The following TSPAN9 variants were observed in gnomAD, a reference collection of about 807,000 sequenced individuals.
TSPAN9 encodes the protein tetraspanin-9.
A neutral mutation model predicts 31.0 loss-of-function variants in TSPAN9; 16 were observed. That is an observed-to-expected ratio of 0.52 (90% CI 0.35 to 0.78). TSPAN9 has a LOEUF of 0.78. Among genes scored for constraint, TSPAN9 ranks in the 30% least tolerant of loss-of-function variants. TSPAN9 has a pLI of 0.01. For synonymous variants in TSPAN9, 145 were observed against 121.6 expected, an observed-to-expected ratio of 1.19 and a Z score of -1.27; for missense variants, 272 against 312.5, an observed-to-expected ratio of 0.87 and a Z score of 0.98.
At chr12:3,248,408 A>C (rs1862181017) in intron 3 of TSPAN9, among the ~76,000 whole-genome samples, 1 of 152,050 alleles carries the variant, frequency 6.6e-6, no homozygotes, top group African/African-American at 2.4e-5. Flanking sequence ...GTGCTCTCTT[A>C]GTTTCCTTCT....
At chr12:3,220,145 C>CAAAAAAAAACAAAAAAAAAAAAA (rs2098383628) in intron 3 of TSPAN9, among the ~76,000 whole-genome samples, 1 of 137,348 alleles carries the variant, frequency 7.3e-6, no homozygotes, top group Non-Finnish European at 1.6e-5. Context: ...AACTCTGTCT[C>CAAAAAAAAACAAAAAAAAAAAAA]AAAAAAAAAA....
At chr12:3,231,010 A>G (rs2098390469) in intron 3 of TSPAN9, among the ~76,000 whole-genome samples, 2 of 152,160 alleles carry the variant, frequency 1.3e-5, no homozygotes, top group African/African-American at 2.4e-5. Context: ...CGTGACCTAC[A>G]TAAACCTTCT....
chr12:3,245,090 A>G (rs1158592232), intron 3 of TSPAN9, among the ~76,000 whole-genome samples: 4 of 152,190 alleles, frequency 2.6e-5, no homozygotes, highest in Non-Finnish European at 5.9e-5. Flanking sequence ...CCACGTCCCC[A>G]GGTACAGCCA....
intron 2 of TSPAN9, among the ~76,000 whole-genome samples, chr12:3,118,685 C>G (rs1293175561): frequency 6.6e-6 from 1 of 151,692 alleles, no homozygotes; most frequent in East Asian, 1.9e-4. Flanking sequence ...CTCCTTGGCA[C>G]TCCCTCCCTG....
rs7487058 is a variant in TSPAN9 at position 3,105,768 on chromosome 12, G to A, written c.-18+22049G>A. Among the ~76,000 whole-genome samples the A allele has an allele frequency of 9.8e-3, 281 of 28,568 alleles. 1 individual carries two copies. The highest frequency in any genetic ancestry group is 0.011 in the African/African-American group (270 of 24,080). 18.7% of individuals were successfully genotyped at this position (28,568 alleles called of 152,430 possible). Reference sequence around the variant, plus strand: ...CACACTCACACACACGCACACACGCGCACGCACACACGCTCATACACACTC... The same window carrying A: ...CACACTCACACACACGCACACACGCACACGCACACACGCTCATACACACTC... On this transcript the variant is annotated intron_variant, in intron 2 of 8. Transcript: ENST00000011898.
intron 2 of TSPAN9, among the ~76,000 whole-genome samples, chr12:3,198,035 C>T (rs1440725383): frequency 4.5e-5 from 2 of 44,476 alleles, no homozygotes; most frequent in African/African-American, 8.7e-5. Flanking sequence ...CCAGCACAGG[C>T]CACCACCAGC....
rs1448961223 is a variant in TSPAN9 at position 3,207,998 on chromosome 12, A to C, written c.63+6742A>C. On this transcript the variant is annotated intron_variant, in intron 3 of 8. Coordinates refer to ENST00000011898, the MANE Select transcript of TSPAN9 (RefSeq NM_006675.5). ...CTATCTGGTTTCCTCACCTTGGACT[A>C]TACCACCTCTCCTGTAGGGCCGTGC... 2.6e-5 allele frequency among the ~76,000 whole-genome samples: 4 copies of C among 152,186 alleles called. No homozygotes were observed. The East Asian group carries it at 7.7e-4, about 29-fold the overall frequency.
chr12:3,193,362 A>G (rs2098365466), intron 2 of TSPAN9, among the ~76,000 whole-genome samples: 2 of 152,196 alleles, frequency 1.3e-5, no homozygotes, highest in African/African-American at 4.8e-5. Flanking sequence ...CTCATGGTCC[A>G]GAAGCCACAT....
At chr12:3,105,584 G>T (rs1035761639) in intron 2 of TSPAN9, among the ~76,000 whole-genome samples, 3 of 152,002 alleles carry the variant, frequency 2.0e-5, no homozygotes, top group African/African-American at 7.2e-5. Context: ...GGAAACAGGG[G>T]CTTCTGGATT....
At chr12:3,212,474 C>T (rs1014152346) in intron 3 of TSPAN9, among the ~76,000 whole-genome samples, 2 of 150,862 alleles carry the variant, frequency 1.3e-5, no homozygotes, top group African/African-American at 4.9e-5. Flanking sequence ...ACAGGGTCTC[C>T]CTGTGTTGTC....
intron 2 of TSPAN9, among the ~76,000 whole-genome samples, chr12:3,116,929 C>CA (rs2098322716): frequency 6.6e-6 from 1 of 152,186 alleles, no homozygotes; most frequent in South Asian, 2.1e-4. Context: ...TTCCTGGACT[C>CA]ATCCTCAGCC....
intron 3 of TSPAN9, among the ~76,000 whole-genome samples, chr12:3,208,909 T>C (rs1259104812): frequency 1.3e-5 from 2 of 152,302 alleles, no homozygotes; most frequent in East Asian, 3.9e-4. Flanking sequence ...TTTCAACTTT[T>C]GGTAAACAGA....
chr12:3,220,145 C>CAAAAAAAAAAAAAAAAAAAAAAA (rs55735802), intron 3 of TSPAN9, among the ~76,000 whole-genome samples: 474 of 137,250 alleles, frequency 3.5e-3, no homozygotes, highest in Non-Finnish European at 5.0e-3. Flanking sequence ...AACTCTGTCT[C>CAAAAAAAAAAAAAAAAAAAAAAA]AAAAAAAAAA....
intron 3 of TSPAN9, among the ~76,000 whole-genome samples, chr12:3,238,049 T>C (rs748106912): frequency 5.1e-4 from 78 of 151,916 alleles, no homozygotes; most frequent in Non-Finnish European, 9.1e-4. Context: ...CTTCCTTCCC[T>C]CCTCTTCCCT....
At chr12:3,156,104 C>A (rs1288817680) in intron 2 of TSPAN9, among the ~76,000 whole-genome samples, 1 of 152,298 alleles carries the variant, frequency 6.6e-6, no homozygotes, top group Non-Finnish European at 1.5e-5. Context: ...AATGTCAGCT[C>A]CAGTTTTCCT....
chr12:3,214,105 G>A (rs2098380170), intron 3 of TSPAN9, among the ~76,000 whole-genome samples: 1 of 152,144 alleles, frequency 6.6e-6, no homozygotes, highest in African/African-American at 2.4e-5. Flanking sequence ...TCTGTCTCTG[G>A]GCCTCAGTTT....
chr12:3,260,028 C>G (rs1862418567), intron 3 of TSPAN9, among the ~76,000 whole-genome samples: 1 of 152,212 alleles, frequency 6.6e-6, no homozygotes, highest in African/African-American at 2.4e-5. Context: ...GTAGCTTGAG[C>G]AGGAAGATTT....
chr12:3,245,028 C>T lies in TSPAN9; in HGVS notation c.64-33393C>T, dbSNP rs117609082. On this transcript the variant is annotated intron_variant, in intron 3 of 8. Transcript: ENST00000011898. ...TCTTTCCAAGGACTCTGTAGCAGCC[C>T]AGCCTATCTAGGTGCTAAGTGCTCC... is the stretch of plus-strand genomic sequence containing the variant. 3.3e-4 allele frequency among the ~76,000 whole-genome samples: 51 copies of T among 152,342 alleles called. No individual in the cohort carries two copies. In the East Asian group the frequency reaches 9.1e-3, roughly 27 times the overall value.
chr12:3,270,732 G>T (rs1465113030), intron 3 of TSPAN9, among the ~76,000 whole-genome samples: 2 of 152,256 alleles, frequency 1.3e-5, no homozygotes, highest in East Asian at 3.8e-4. Flanking sequence ...CCTGGAGGGG[G>T]GTAGGGGCTG....
Sources: gnomAD v4.1 joint callset for allele counts (sites outside exome capture counted in the v4.1 genomes callset) on GRCh38, gnomAD v4.1.1 for gene constraint, MANE v1.5 for transcripts, NCBI Gene and HGNC (gene_info 2026-07-23, HGNC 2026-07-21) for gene names.